Variants in DMD observed in about 807,000 individuals in gnomAD.
The protein encoded by DMD is mutant dystrophin.
DMD carries 63 observed loss-of-function variants against 330.1 expected under a neutral mutation model. The observed-to-expected ratio is 0.19, with a 90% CI of 0.16 to 0.24. The LOEUF (loss-of-function observed/expected upper bound fraction) is 0.24. DMD is among the 10% of genes least tolerant of loss of function. DMD has a pLI of 1.00. For synonymous variants in DMD, 1,223 were observed against 959.8 expected, an observed-to-expected ratio of 1.27 and a Z score of -5.07; for missense variants, 3,344 against 2,684.1, an observed-to-expected ratio of 1.25 and a Z score of -5.43.
intron 67 of DMD, among the ~76,000 whole-genome samples, chrX:31,187,722 A>T (rs1265924706): frequency 4.9e-4 from 2 of 4,104 alleles, no homozygotes; most frequent in Non-Finnish European, 1.4e-3. Flanking sequence ...ATTCTCAGAG[A>T]GAGAGAGAGA....
At chrX:32,190,550 TTATATATATATATATA>T (rs753482446) in intron 44 of DMD, among the ~76,000 whole-genome samples, 10 of 62,520 alleles carry the variant, frequency 1.6e-4, no homozygotes, top group African/African-American at 2.7e-4. Context: ...ATTTAAAATT[TTATATATATATATATA>T]TATATATATA....
chrX:32,211,849 T>C (rs1219142778), intron 44 of DMD, among the ~76,000 whole-genome samples: 1 of 112,237 alleles, frequency 8.9e-6, no homozygotes, highest in African/African-American at 3.2e-5. Context: ...ATTCAGCTGG[T>C]TTAAATACTT....
intron 30 of DMD, among the ~76,000 whole-genome samples, chrX:32,394,113 G>C (rs1439976968): frequency 1.5e-5 from 1 of 67,595 alleles, no homozygotes; most frequent in African/African-American, 5.3e-5. Flanking sequence ...AACACATAAA[G>C]TGATTTTTTT....
chrX:32,754,971 T>G (rs1668716756), intron 7 of DMD: 1 of 111,559 alleles, frequency 9.0e-6, no homozygotes, highest in Non-Finnish European at 1.9e-5. Flanking sequence ...CCTTTTCATC[T>G]GGCTCCTTTA....
chrX:31,457,867 A>G (rs915980343), intron 59 of DMD, among the ~76,000 whole-genome samples: 10 of 112,073 alleles, frequency 8.9e-5, no homozygotes, highest in Non-Finnish European at 9.4e-5. Flanking sequence ...AATGAACCAA[A>G]GATTAATACA....
chrX:33,233,686 G>T (rs1203157182), intron 1 of DMD, among the ~76,000 whole-genome samples: 1 of 111,725 alleles, frequency 9.0e-6, no homozygotes, highest in Non-Finnish European at 1.9e-5. Context: ...TTTATTAAAG[G>T]TCAACAGGAG....
intron 11 of DMD, among the ~76,000 whole-genome samples, chrX:32,616,429 C>G (rs189687129): frequency 5.9e-4 from 65 of 111,035 alleles, no homozygotes; most frequent in African/African-American, 2.0e-3. Flanking sequence ...AGCATGGACT[C>G]ATGTATAGTT....
chrX:32,681,151 T>G (rs1569449184), intron 9 of DMD, among the ~76,000 whole-genome samples: 1 of 111,697 alleles, frequency 9.0e-6, no homozygotes, highest in Non-Finnish European at 1.9e-5. Context: ...GTAATACCAT[T>G]TATTGAAATC....
chrX:31,231,502 G>A (rs1279888050), intron 63 of DMD, among the ~76,000 whole-genome samples: 1 of 112,108 alleles, frequency 8.9e-6, no homozygotes, highest in Non-Finnish European at 1.9e-5. Context: ...ACCATGCCAA[G>A]TACATGGAAT....
chrX:32,577,931 G>C (rs2053241299), intron 13 of DMD, among the ~76,000 whole-genome samples: 1 of 112,261 alleles, frequency 8.9e-6, no homozygotes. Flanking sequence ...AGTATAAATA[G>C]ATAATACACG....
At chrX:31,618,075 G>A (rs911928488) in intron 55 of DMD, among the ~76,000 whole-genome samples, 2 of 110,800 alleles carry the variant, frequency 1.8e-5, no homozygotes, top group Non-Finnish European at 3.8e-5. Context: ...TCTACTCTAG[G>A]GTGGAGGGTG....
intron 1 of DMD, among the ~76,000 whole-genome samples, chrX:33,086,575 A>G (rs1027252902): frequency 9.1e-5 from 10 of 110,289 alleles, no homozygotes; most frequent in South Asian, 3.8e-4. Flanking sequence ...TATTTATTAT[A>G]GGATGTGAAA....
chrX:32,328,227 G>T (rs1018199021), intron 41 of DMD, among the ~76,000 whole-genome samples: 1 of 111,297 alleles, frequency 9.0e-6, no homozygotes, highest in Non-Finnish European at 1.9e-5. Context: ...TTAATTTTTG[G>T]ATTCCAAATA....
intron 2 of DMD, among the ~76,000 whole-genome samples, chrX:32,986,072 T>TA: frequency 8.9e-6 from 1 of 112,021 alleles, no homozygotes; most frequent in East Asian, 2.8e-4. Flanking sequence ...TCCCTCTCTG[T>TA]AAAATGGAGA....
chrX:31,955,231 G>C (rs778331267), intron 45 of DMD, among the ~76,000 whole-genome samples: 1 of 111,753 alleles, frequency 8.9e-6, no homozygotes, highest in East Asian at 2.8e-4. Context: ...TTAGACATAA[G>C]AGGAAGCACA....
At chrX:32,565,990 T>C (rs2051663674) in intron 15 of DMD, 109 bp from the exon 16 acceptor site, 1 of 687,993 alleles carries the variant, frequency 1.5e-6, no homozygotes, top group East Asian at 3.5e-5. Flanking sequence ...TAAGAAAATA[T>C]TTCAATCGTG....
chrX:33,166,638 G>A (rs1407880926), intron 1 of DMD, among the ~76,000 whole-genome samples: 1 of 110,784 alleles, frequency 9.0e-6, no homozygotes, highest in African/African-American at 3.3e-5. Flanking sequence ...ATGCATTTAT[G>A]TCTATTTTTT....
rs868641814 is a variant in DMD at position 32,491,467 on chromosome X, C to T, written c.2432G>A (p.Arg811Gln). Residue 811 changes from arginine to glutamine, a missense_variant, in exon 20 of 79, where the codon CGG (arginine) becomes CAG (glutamine). Arg to Gln is a conservative substitution (Grantham distance 43). Coordinates refer to ENST00000357033, the MANE Select transcript of DMD (RefSeq NM_004006.3). ...IKQASEQLNS[R>Q]WIEFCQLLSE... is the part of the protein sequence containing the mutation. ...TAGCAACTGGCAGAATTCGATCCAC[C>T]GGCTGTTCAGTTGTTCTGAGGCTTG... 5 of 1,210,685 alleles carry T rather than the reference C, an allele frequency of 4.1e-6. No individual in the cohort carries two copies. The Admixed American group carries it at 6.5e-5, about 16-fold the overall frequency.
At chrX:32,231,812 G>C (rs1407489628) in intron 43 of DMD, among the ~76,000 whole-genome samples, 4 of 110,991 alleles carry the variant, frequency 3.6e-5, no homozygotes, top group Non-Finnish European at 7.6e-5. Context: ...TGTTTACTAA[G>C]TTTTACTTTA....
Sources: allele counts gnomAD v4.1 joint callset (sites outside exome capture counted in the v4.1 genomes callset), GRCh38; gene constraint gnomAD v4.1.1; transcripts MANE v1.5; gene names NCBI Gene and HGNC (gene_info 2026-07-23, HGNC 2026-07-21).